The following CBFA2T2 variants were observed in gnomAD, a reference collection of about 807,000 sequenced individuals.
The protein encoded by CBFA2T2 is protein CBFA2T2.
Under a neutral mutation model 62.2 loss-of-function variants are expected in CBFA2T2, and 11 were observed. That is an observed-to-expected ratio of 0.18 (90% CI 0.11 to 0.29). The LOEUF is 0.29. Ranked by LOEUF, CBFA2T2 falls within the 10% of genes least tolerant of loss-of-function variation. CBFA2T2 has a pLI of 1.00. For synonymous variants in CBFA2T2, 295 were observed against 287.5 expected, an observed-to-expected ratio of 1.03 and a Z score of -0.27; for missense variants, 592 against 774.1, an observed-to-expected ratio of 0.76 and a Z score of 2.79.
chr20:33,521,998 T>C (rs73119138), intron 1 of CBFA2T2, among the ~76,000 whole-genome samples: 3 of 152,184 alleles, frequency 2.0e-5, no homozygotes, highest in Non-Finnish European at 2.9e-5. Flanking sequence ...GTAGTATATA[T>C]ATATATAGTT....
At chr20:33,512,330 G>A (rs137969554) in intron 1 of CBFA2T2, among the ~76,000 whole-genome samples, 10 of 152,058 alleles carry the variant, frequency 6.6e-5, no homozygotes, top group Non-Finnish European at 1.2e-4. Context: ...CAGCCTGGGC[G>A]ACAGAGCGAG....
At chr20:33,620,693 T>G (rs775749112) in intron 4 of CBFA2T2, among the ~76,000 whole-genome samples, 1 of 149,878 alleles carries the variant, frequency 6.7e-6, no homozygotes. Context: ...TAGAAAAAAT[T>G]AGCACATGCC....
At chr20:33,533,567 G>C (rs2012118616) in intron 1 of CBFA2T2, among the ~76,000 whole-genome samples, 1 of 152,036 alleles carries the variant, frequency 6.6e-6, no homozygotes, top group Non-Finnish European at 1.5e-5. Flanking sequence ...GTGGATAGAT[G>C]TTTGAGTTGT....
At chr20:33,530,611 T>G (rs111558272) in intron 1 of CBFA2T2, among the ~76,000 whole-genome samples, 1 of 151,102 alleles carries the variant, frequency 6.6e-6, no homozygotes, top group South Asian at 2.1e-4. Context: ...AAGACGGGGT[T>G]TCACTATGTT....
At chr20:33,527,509 A>T (rs2011924411) in intron 1 of CBFA2T2, among the ~76,000 whole-genome samples, 1 of 150,936 alleles carries the variant, frequency 6.6e-6, no homozygotes, top group East Asian at 2.0e-4. Flanking sequence ...AGTAGCTGGT[A>T]TCACAGATGC....
At chr20:33,608,121 A>G (rs1238119855) in intron 2 of CBFA2T2, among the ~76,000 whole-genome samples, 2 of 152,190 alleles carry the variant, frequency 1.3e-5, no homozygotes, top group Non-Finnish European at 2.9e-5. Context: ...TAACTCAACA[A>G]TTTCAGTCCT....
chr20:33,562,485 A>AATC, intron 1 of CBFA2T2: 1 of 985,900 alleles, frequency 1.0e-6, no homozygotes, highest in Non-Finnish European at 1.2e-6. Flanking sequence ...TGGGACAGGC[A>AATC]GCTCTAGTCA....
intron 1 of CBFA2T2, among the ~76,000 whole-genome samples, chr20:33,530,609 G>T: frequency 6.6e-6 from 1 of 151,716 alleles, no homozygotes; most frequent in East Asian, 2.0e-4. Context: ...TAAAGACGGG[G>T]TTTCACTATG....
chr20:33,533,939 C>T (rs183631567), intron 1 of CBFA2T2, among the ~76,000 whole-genome samples: 13 of 152,178 alleles, frequency 8.5e-5, no homozygotes, highest in East Asian at 5.8e-4. Flanking sequence ...TTCAGTGAGC[C>T]GAGATCACGC....
rs766976346 is a variant in CBFA2T2 at position 33,644,629 on chromosome 20, G to A, written c.1771G>A (p.Asp591Asn). The A allele has an allele frequency of 8.1e-6, 13 of 1,604,812 alleles. No homozygotes were observed. Among genetic ancestry groups the A allele is most frequent in the Admixed American group, 5.0e-5 (3 of 59,660 alleles). The change falls in exon 11 of 11, where the codon GAC becomes AAC. Residue 591 changes from aspartate to asparagine, a missense_variant. Transcript: ENST00000342704. ...AACACCTGCTTCTGTGACAGCTATC[G>A]ACACCAACGGACTCTGAGCCCCGGA... The part of the protein sequence containing the change: ...SSTPASVTAI[D>N]TNGL
rs1396338564 is a variant in CBFA2T2 at position 33,547,969 on chromosome 20, G to A, written c.34+57668G>A. ...TTCTTTTCTTTTTGTGGAGAATGGGGTCTTGCTGTATTGCAGGTTTTGAAC... is the reference window on the plus strand; with the variant it reads ...TTCTTTTCTTTTTGTGGAGAATGGGATCTTGCTGTATTGCAGGTTTTGAAC... On this transcript the variant is annotated intron_variant, in intron 1 of 10. Transcript: ENST00000342704. Among the ~76,000 whole-genome samples, 3 of 152,010 alleles carry A rather than the reference G, an allele frequency of 2.0e-5. No individual in the cohort carries two copies. In the South Asian group the frequency reaches 6.2e-4, roughly 32 times the overall value.
At chr20:33,623,680 C>T in intron 5 of CBFA2T2, 1 of 646,772 alleles carries the variant, frequency 1.5e-6, no homozygotes, top group Non-Finnish European at 2.8e-6. Flanking sequence ...CCTCAACCTC[C>T]CAAAGTGCTG....
At chr20:33,520,963 C>G (rs2011713699) in intron 1 of CBFA2T2, among the ~76,000 whole-genome samples, 1 of 143,460 alleles carries the variant, frequency 7.0e-6, no homozygotes, top group African/African-American at 2.8e-5. Flanking sequence ...CACACTTTCA[C>G]CTGCCATCAC....
At chr20:33,559,324 C>T (rs2013016379) in intron 1 of CBFA2T2, among the ~76,000 whole-genome samples, 1 of 151,898 alleles carries the variant, frequency 6.6e-6, no homozygotes, top group Non-Finnish European at 1.5e-5. Flanking sequence ...TAGGCATGTG[C>T]CAGCATGCCT....
intron 1 of CBFA2T2, among the ~76,000 whole-genome samples, chr20:33,604,221 C>T (rs2015251421): frequency 6.6e-6 from 1 of 152,096 alleles, no homozygotes; most frequent in Non-Finnish European, 1.5e-5. Context: ...AATAGTATGT[C>T]CAGAATTTGA....
At chr20:33,627,193 C>T (rs1000379038) in intron 6 of CBFA2T2, among the ~76,000 whole-genome samples, 18 of 151,962 alleles carry the variant, frequency 1.2e-4, no homozygotes, top group Middle Eastern at 6.3e-3. Context: ...GTCAGGAGAT[C>T]GAGACCATCC....
chr20:33,625,218 A>ATCATATCATAAGATAT (rs1166749169), intron 6 of CBFA2T2, among the ~76,000 whole-genome samples: 1 of 152,044 alleles, frequency 6.6e-6, no homozygotes, highest in Non-Finnish European at 1.5e-5. Flanking sequence ...ATAGAAGTAC[A>ATCATATCATAAGATAT]GCTAGGTGTG....
At chr20:33,562,327 G>T (rs2013114725) in intron 1 of CBFA2T2, 1 of 966,506 alleles carries the variant, frequency 1.0e-6, no homozygotes, top group Non-Finnish European at 1.2e-6. Flanking sequence ...TGGTAACAGG[G>T]AGGGTTGGAA....
intron 1 of CBFA2T2, among the ~76,000 whole-genome samples, chr20:33,603,124 G>A (rs140001213): frequency 3.9e-5 from 6 of 152,154 alleles, no homozygotes; most frequent in East Asian, 1.9e-4. Context: ...AACTGAAACC[G>A]TGGAAACTGA....
Sources: gnomAD v4.1 joint callset for allele counts (sites outside exome capture counted in the v4.1 genomes callset) on GRCh38, gnomAD v4.1.1 for gene constraint, MANE v1.5 for transcripts, NCBI Gene and HGNC (gene_info 2026-07-23, HGNC 2026-07-21) for gene names.